The following ZNF366 variants were observed in gnomAD, a reference collection of about 807,000 sequenced individuals.
The protein encoded by ZNF366 is dendritic cell-specific transcript protein.
ZNF366 carries 20 observed loss-of-function variants against 47.2 expected under a neutral mutation model. The observed-to-expected ratio is 0.42, with a 90% CI of 0.30 to 0.62. The LOEUF (loss-of-function observed/expected upper bound fraction) is 0.62, where lower values mean the gene tolerates loss of function less well. Among genes scored for constraint, ZNF366 ranks in the 20% least tolerant of loss-of-function variants. ZNF366 has a pLI of 0.16. For synonymous variants in ZNF366, 421 were observed against 395.1 expected, an observed-to-expected ratio of 1.07 and a Z score of -0.78; for missense variants, 987 against 976.3, an observed-to-expected ratio of 1.01 and a Z score of -0.15.
chr5:72,476,127 C>A (rs940511871), intron 1 of ZNF366, among the ~76,000 whole-genome samples: 5 of 152,086 alleles, frequency 3.3e-5, no homozygotes, highest in South Asian at 2.1e-4. Context: ...CCCACTAGAT[C>A]CTAAGTTTCA....
intron 1 of ZNF366, among the ~76,000 whole-genome samples, chr5:72,497,415 C>T (rs1227788647): frequency 6.6e-6 from 1 of 152,164 alleles, no homozygotes; most frequent in Non-Finnish European, 1.5e-5. Flanking sequence ...CCCTCATTGA[C>T]ACCTTTGTCA....
intron 3 of ZNF366, among the ~76,000 whole-genome samples, chr5:72,454,945 C>T (rs1267085278): frequency 6.6e-6 from 1 of 151,570 alleles, no homozygotes; most frequent in Non-Finnish European, 1.5e-5. Context: ...AGTCAGAAAG[C>T]TCCTGAGTTT....
At chr5:72,465,362 C>A (rs1561195852) in intron 1 of ZNF366, among the ~76,000 whole-genome samples, 1 of 152,132 alleles carries the variant, frequency 6.6e-6, no homozygotes, top group Non-Finnish European at 1.5e-5. Flanking sequence ...AACAAACCAT[C>A]CTGGGGAAGG....
intron 1 of ZNF366, among the ~76,000 whole-genome samples, chr5:72,498,650 T>G (rs1438495014): frequency 6.6e-6 from 1 of 152,222 alleles, no homozygotes; most frequent in African/African-American, 2.4e-5. Context: ...TAAATCTGTT[T>G]GGAAGTTTAA....
chr5:72,461,569 C>T, intron 1 of ZNF366, 59 bp from the exon 2 acceptor site: 1 of 1,509,408 alleles, frequency 6.6e-7, no homozygotes, highest in Non-Finnish European at 8.8e-7. Context: ...TTCTCTTTTT[C>T]CTTAAGGATT....
chr5:72,447,511 G>A, intron 3 of ZNF366, 94 bp from the exon 4 acceptor site: 2 of 1,426,140 alleles, frequency 1.4e-6, no homozygotes, highest in East Asian at 2.3e-5. Context: ...ACTTTGTTTG[G>A]ACATTGACAT....
intron 1 of ZNF366, among the ~76,000 whole-genome samples, chr5:72,462,782 C>T (rs2112330413): frequency 6.6e-6 from 1 of 152,266 alleles, no homozygotes; most frequent in Admixed American, 6.5e-5. Flanking sequence ...AACTCCCGAT[C>T]TCAAGTGATC....
At chr5:72,477,320 G>A (rs1743694634) in intron 1 of ZNF366, among the ~76,000 whole-genome samples, 1 of 152,170 alleles carries the variant, frequency 6.6e-6, no homozygotes, top group Non-Finnish European at 1.5e-5. Context: ...ATATCCAGTG[G>A]CACTGATCCA....
intron 1 of ZNF366, among the ~76,000 whole-genome samples, chr5:72,499,686 C>T (rs184721381): frequency 8.3e-4 from 127 of 152,112 alleles, no homozygotes; most frequent in Non-Finnish European, 1.5e-3. Context: ...GGAGGAAATT[C>T]CACCGTGTCG....
Position 72,474,452 on chromosome 5 carries a change from A to G in ZNF366, c.-14-12942T>C, listed in dbSNP as rs574295049. 7.2e-5 allele frequency among the ~76,000 whole-genome samples: 11 copies of G among 152,302 alleles called. No individual in the cohort carries two copies. The South Asian group carries it at 2.1e-3, about 29-fold the overall frequency. On this transcript the variant is annotated intron_variant, in intron 1 of 4. Coordinates refer to ENST00000318442, the MANE Select transcript of ZNF366 (RefSeq NM_152625.3). Reference sequence around the variant, plus strand: ...CTACATTGAAATAATCACAGGACTTATATCTTGGACAGGTTTGTATCTCTC... The same window carrying G: ...CTACATTGAAATAATCACAGGACTTGTATCTTGGACAGGTTTGTATCTCTC...
rs1305338326 is a variant in ZNF366, at chr5:72,440,262, G to T, written c.*3494C>A. The T allele has an allele frequency of 6.6e-6, 1 of 152,212 alleles. No homozygotes were observed. Among genetic ancestry groups the T allele is most frequent in the Admixed American group, 6.5e-5 (1 of 15,286 alleles). The allele number at this position is 152,212 out of a possible 1,614,324, so 9.4% of individuals were successfully genotyped here. On this transcript the variant is annotated 3_prime_UTR_variant, in exon 5 of 5. Coordinates refer to ENST00000318442, the MANE Select transcript of ZNF366 (RefSeq NM_152625.3). ...CAACTACTCATATACAAATATACCA[G>T]TTACTCTTGTGGGTTTATGAAAGGT...
In ZNF366 at chr5:72,492,797, C is replaced by T. The variant is rs573218908; in HGVS notation, c.-15+14454G>A. Among the ~76,000 whole-genome samples the T allele has an allele frequency of 2.6e-5, 4 of 152,296 alleles. No individual in the cohort carries two copies. The South Asian group carries it at 8.3e-4, about 32-fold the overall frequency. ...ATTCTGGTTTGTGGCAAGAAAGCAT[C>T]GCTTCTCTTCTCCCATTTAGAGGGT... On this transcript the variant is annotated intron_variant, in intron 1 of 4. Coordinates refer to ENST00000318442, the MANE Select transcript of ZNF366 (RefSeq NM_152625.3).
intron 1 of ZNF366, among the ~76,000 whole-genome samples, chr5:72,478,859 A>G (rs1156247869): frequency 6.6e-6 from 1 of 152,226 alleles, no homozygotes; most frequent in Admixed American, 6.5e-5. Flanking sequence ...ATTGGCCTCT[A>G]AAAATCCCCT....
chr5:72,484,471 G>A (rs1344988588), intron 1 of ZNF366, among the ~76,000 whole-genome samples: 13 of 142,126 alleles, frequency 9.1e-5, no homozygotes, highest in Admixed American at 3.5e-4. Context: ...GCGACAGAGC[G>A]AGACTCCGTC....
chr5:72,506,918 T>C (rs1744330389), intron 1 of ZNF366, among the ~76,000 whole-genome samples: 1 of 152,178 alleles, frequency 6.6e-6, no homozygotes, highest in African/African-American at 2.4e-5. Flanking sequence ...GACACAGTAC[T>C]GAGGAAGAGC....
At chr5:72,472,979 C>T (rs1040344737) in intron 1 of ZNF366, among the ~76,000 whole-genome samples, 1 of 152,204 alleles carries the variant, frequency 6.6e-6, no homozygotes, top group Admixed American at 6.5e-5. Flanking sequence ...GGAGCTTCCT[C>T]ATGGGGTATT....
At chr5:72,479,783 C>T (rs1456281453) in intron 1 of ZNF366, among the ~76,000 whole-genome samples, 1 of 152,182 alleles carries the variant, frequency 6.6e-6, no homozygotes, top group Admixed American at 6.5e-5. Context: ...TGTGTGTGCA[C>T]AAGCATGTGT....
At chr5:72,457,831 G>A (rs1946796261) in intron 2 of ZNF366, among the ~76,000 whole-genome samples, 1 of 152,096 alleles carries the variant, frequency 6.6e-6, no homozygotes, top group Non-Finnish European at 1.5e-5. Context: ...GATGGTACAT[G>A]AGTATGCATT....
intron 1 of ZNF366, among the ~76,000 whole-genome samples, chr5:72,504,586 T>C (rs1862194): frequency 0.18 from 27,895 of 152,180 alleles, 2,768 homozygotes; most frequent in East Asian, 0.38. Context: ...ATTTAGAATT[T>C]AGAATATCTT....
Sources: gnomAD v4.1 joint callset for allele counts (sites outside exome capture counted in the v4.1 genomes callset) on GRCh38, gnomAD v4.1.1 for gene constraint, MANE v1.5 for transcripts, NCBI Gene and HGNC (gene_info 2026-07-23, HGNC 2026-07-21) for gene names.